Variants in SGCZ observed in about 807,000 individuals in gnomAD.
The protein encoded by SGCZ is zeta-sarcoglycan.
SGCZ carries 40 observed loss-of-function variants against 41.3 expected under a neutral mutation model. The ratio of observed to expected loss-of-function variants is 0.97; its 90% CI spans 0.75 to 1.26. SGCZ has a LOEUF of 1.26. Ranked by LOEUF, SGCZ falls within the 50% of genes most tolerant of loss-of-function variation. SGCZ has a pLI of 0.00. For missense variants in SGCZ, 552 were observed against 369.8 expected (o/e 1.49, Z -4.04); for synonymous variants, 206 against 137.5 (o/e 1.50, Z -3.49).
intron 3 of SGCZ, among the ~76,000 whole-genome samples, chr8:14,241,763 G>A (rs969943123): frequency 2.0e-5 from 3 of 152,270 alleles, no homozygotes; most frequent in South Asian, 4.1e-4. Context: ...AAGTGGGCCT[G>A]AGAGGTTCTG....
At chr8:14,504,130 A>T (rs1802235721) in intron 2 of SGCZ, among the ~76,000 whole-genome samples, 1 of 152,152 alleles carries the variant, frequency 6.6e-6, no homozygotes, top group Non-Finnish European at 1.5e-5. Context: ...ACTGATGACA[A>T]ATTATGGTAA....
At chr8:15,166,349 A>G (rs1003000573) in intron 1 of SGCZ, among the ~76,000 whole-genome samples, 1 of 149,494 alleles carries the variant, frequency 6.7e-6, no homozygotes, top group Non-Finnish European at 1.5e-5. Context: ...CCGGGTTCAC[A>G]CCATTCTCCT....
At chr8:14,384,052 T>C (rs1354402831) in intron 2 of SGCZ, among the ~76,000 whole-genome samples, 1 of 151,964 alleles carries the variant, frequency 6.6e-6, no homozygotes, top group East Asian at 1.9e-4. Flanking sequence ...GCCATATTGG[T>C]GTGCTGCACC....
At chr8:15,095,133 T>C (rs1414645539) in intron 1 of SGCZ, among the ~76,000 whole-genome samples, 1 of 152,134 alleles carries the variant, frequency 6.6e-6, no homozygotes, top group East Asian at 1.9e-4. Flanking sequence ...AGATTCACTC[T>C]TGTTGCCCAG....
At chr8:15,203,609 G>C (rs1800966933) in intron 1 of SGCZ, among the ~76,000 whole-genome samples, 1 of 152,118 alleles carries the variant, frequency 6.6e-6, no homozygotes, top group South Asian at 2.1e-4. Context: ...AGACAAATGT[G>C]GCATTCATAT....
At chr8:14,803,358 T>A (rs1464068157) in intron 1 of SGCZ, among the ~76,000 whole-genome samples, 1 of 151,826 alleles carries the variant, frequency 6.6e-6, no homozygotes, top group African/African-American at 2.4e-5. Context: ...TGGGCGCAGG[T>A]CAGTGGGTGC....
chr8:14,776,242 T>C (rs932292310), intron 1 of SGCZ, among the ~76,000 whole-genome samples: 3 of 152,148 alleles, frequency 2.0e-5, no homozygotes, highest in African/African-American at 4.8e-5. Context: ...CACATGTCAA[T>C]GGTGGGGCCA....
At chr8:14,412,855 T>G (rs112077714) in intron 2 of SGCZ, among the ~76,000 whole-genome samples, 1 of 152,022 alleles carries the variant, frequency 6.6e-6, no homozygotes, top group Non-Finnish European at 1.5e-5. Context: ...TTCTGAAACT[T>G]GATAGATATG....
chr8:15,163,927 G>C (rs1369259154), intron 1 of SGCZ, among the ~76,000 whole-genome samples: 1 of 152,224 alleles, frequency 6.6e-6, no homozygotes, highest in African/African-American at 2.4e-5. Context: ...GCCCACTGAG[G>C]TGGGGCCTCA....
intron 1 of SGCZ, among the ~76,000 whole-genome samples, chr8:15,159,583 G>C (rs902513035): frequency 2.0e-5 from 3 of 152,176 alleles, no homozygotes; most frequent in African/African-American, 4.8e-5. Flanking sequence ...CTGCAGAACT[G>C]ATTGCTTGCC....
chr8:14,775,279 C>A (rs930591239), intron 1 of SGCZ, among the ~76,000 whole-genome samples: 3 of 151,894 alleles, frequency 2.0e-5, no homozygotes, highest in Non-Finnish European at 4.4e-5. Context: ...AGAACAAAAA[C>A]CATTCAGTAA....
chr8:15,139,837 G>C (rs1808256154), intron 1 of SGCZ, among the ~76,000 whole-genome samples: 2 of 152,066 alleles, frequency 1.3e-5, no homozygotes, highest in African/African-American at 4.8e-5. Context: ...TGATAGTCTA[G>C]AAATAATGAC....
intron 2 of SGCZ, among the ~76,000 whole-genome samples, chr8:14,461,777 T>C (rs1166575424): frequency 1.3e-5 from 2 of 152,128 alleles, no homozygotes; most frequent in Non-Finnish European, 2.9e-5. Context: ...AAAATATTTA[T>C]GATTTCACTT....
At chr8:14,472,105 C>T (rs1363859327) in intron 2 of SGCZ, among the ~76,000 whole-genome samples, 3 of 151,998 alleles carry the variant, frequency 2.0e-5, no homozygotes, top group Non-Finnish European at 4.4e-5. Context: ...TTTTGCAATT[C>T]AGCATTTGAT....
At chr8:14,389,794 T>C (rs1804701426) in intron 2 of SGCZ, among the ~76,000 whole-genome samples, 1 of 152,046 alleles carries the variant, frequency 6.6e-6, no homozygotes, top group Non-Finnish European at 1.5e-5. Context: ...AAAATAACTA[T>C]GACTAATATT....
In SGCZ at chr8:14,286,189, A is replaced by G. The variant is rs917072589; in HGVS notation, c.336+37914T>C. On this transcript the variant is annotated intron_variant, in intron 3 of 7. Transcript: ENST00000382080. ...TGCTTCCTTGCATGGTATTCTATCT[A>G]TGGGATACCAAAGTGCTCTGCTAAT... 7.9e-5 allele frequency among the ~76,000 whole-genome samples: 12 copies of G among 152,054 alleles called. 1 individual carries two copies. The highest frequency in any genetic ancestry group is 3.4e-3 in the Middle Eastern group (1 of 294).
At chr8:14,866,091 A>G (rs1366736823) in intron 1 of SGCZ, among the ~76,000 whole-genome samples, 1 of 152,158 alleles carries the variant, frequency 6.6e-6, no homozygotes, top group Non-Finnish European at 1.5e-5. Flanking sequence ...AATGTAAAGC[A>G]GAAAAAGAAT....
intron 3 of SGCZ, among the ~76,000 whole-genome samples, chr8:14,289,762 T>C (rs1320119302): frequency 6.6e-6 from 1 of 151,278 alleles, no homozygotes; most frequent in Non-Finnish European, 1.5e-5. Context: ...TATACATATA[T>C]AGAAGAACTG....
chr8:14,717,719 A>T (rs1256666957), intron 1 of SGCZ, among the ~76,000 whole-genome samples: 1 of 152,134 alleles, frequency 6.6e-6, no homozygotes, highest in Non-Finnish European at 1.5e-5. Flanking sequence ...TGGGCCTCAC[A>T]AATGATACAG....
Sources: allele counts gnomAD v4.1 joint callset (sites outside exome capture counted in the v4.1 genomes callset), GRCh38; gene constraint gnomAD v4.1.1; transcripts MANE v1.5; gene names NCBI Gene and HGNC (gene_info 2026-07-23, HGNC 2026-07-21).